Variants in FRRS1 observed in about 807,000 individuals in gnomAD.
FRRS1 encodes ferric chelate reductase 1.
A neutral mutation model predicts 70.7 loss-of-function variants in FRRS1; 51 were observed. That is an observed-to-expected ratio of 0.72 (90% CI 0.58 to 0.91). The LOEUF is 0.91. Among genes scored for constraint, FRRS1 ranks in the 40% least tolerant of loss-of-function variants. The probability of loss-of-function intolerance (pLI) is 0.00; values close to 1 mark genes in which losing one functional copy is unlikely to be tolerated. For synonymous variants in FRRS1, 225 were observed against 238.7 expected (o/e 0.94, Z 0.53); for missense variants, 672 against 726.0 (o/e 0.93, Z 0.86).
chr1:99,760,264 T>C (rs1657052712), intron 1 of FRRS1, among the ~76,000 whole-genome samples: 1 of 152,250 alleles, frequency 6.6e-6, no homozygotes, highest in Non-Finnish European at 1.5e-5. Flanking sequence ...CTATTGGGCT[T>C]AGATAAACTG....
Position 99,710,896 on chromosome 1 carries a change from A to G in FRRS1, c.1534T>C (p.Trp512Arg), listed in dbSNP as rs1199066661. ...AATCCGGTCATTGCATAGGTTTTCCATGAATCAGGAAGATTCAGTCCTGGT... is the reference window on the plus strand; with the variant it reads ...AATCCGGTCATTGCATAGGTTTTCCGTGAATCAGGAAGATTCAGTCCTGGT... Reference protein sequence around the residue: ...DLPGLNLPDSWKTYAMTGFVA... With the variant: ...DLPGLNLPDSRKTYAMTGFVA... The change falls in exon 15 of 17, where the codon TGG becomes CGG. Residue 512 changes from tryptophan (W) to arginine (R), a missense_variant. Transcript: ENST00000646001. 2 of 1,613,846 alleles carry G rather than the reference A, an allele frequency of 1.2e-6. No individual in the cohort carries two copies. The highest frequency in any genetic ancestry group is 3.3e-5 in the Admixed American group (2 of 60,018).
chr1:99,742,367 T>C (rs1336758968), intron 4 of FRRS1, 94 bp from the exon 5 acceptor site: 2 of 753,288 alleles, frequency 2.7e-6, no homozygotes, highest in Non-Finnish European at 4.7e-6. Context: ...TATCATTGCA[T>C]GACATTAGCA....
chr1:99,756,662 T>A (rs1656849956), intron 1 of FRRS1, among the ~76,000 whole-genome samples: 1 of 152,174 alleles, frequency 6.6e-6, no homozygotes, highest in South Asian at 2.1e-4. Flanking sequence ...AAAGACTTTT[T>A]AAAATAAATC....
intron 9 of FRRS1, among the ~76,000 whole-genome samples, chr1:99,720,639 TA>T (rs997871822): frequency 6.6e-6 from 1 of 152,106 alleles, no homozygotes; most frequent in Admixed American, 6.6e-5. Flanking sequence ...ATTGAAAAGC[TA>T]GGGGGAAAAT....
intron 7 of FRRS1, among the ~76,000 whole-genome samples, chr1:99,733,947 A>T (rs1296801462): frequency 6.6e-6 from 1 of 152,250 alleles, no homozygotes; most frequent in African/African-American, 2.4e-5. Context: ...ATCATCAATA[A>T]TAGAACAATT....
At chr1:99,725,448 A>G (rs1375684762) in intron 9 of FRRS1, among the ~76,000 whole-genome samples, 1 of 152,228 alleles carries the variant, frequency 6.6e-6, no homozygotes, top group Admixed American at 6.5e-5. Flanking sequence ...AAGTTATCAA[A>G]CTACAGCACA....
intron 1 of FRRS1, among the ~76,000 whole-genome samples, chr1:99,754,237 G>A (rs565154249): frequency 6.6e-5 from 10 of 152,214 alleles, no homozygotes; most frequent in East Asian, 1.9e-4. Flanking sequence ...AGGCCAAGGC[G>A]GGAAGATCAC....
chr1:99,714,476 C>G (rs1162636926), intron 12 of FRRS1, among the ~76,000 whole-genome samples: 7 of 152,052 alleles, frequency 4.6e-5, no homozygotes, highest in African/African-American at 9.7e-5. Context: ...GCCACCATGC[C>G]CGGCCTGGTT....
rs760123135 is a variant in FRRS1, at chr1:99,709,096, A to G, written c.1711T>C (p.Leu571=). 8.1e-6 allele frequency: 13 copies of G among 1,613,614 alleles called. No homozygotes were observed. In the South Asian group the frequency reaches 1.3e-4, roughly 16 times the overall value. The change falls in exon 17 of 17, where the codon TTG becomes CTG. Residue 571 remains leucine, a synonymous_variant. Coordinates refer to ENST00000646001, the MANE Select transcript of FRRS1 (RefSeq NM_001361041.2). ...ACATTCCCACAGACATAAATTGCCA[A>G]CACTGCCTTTTTAAAAGCATGACCC... ...TEGHAFKKAV[L]AIYVCGNVTF...
chr1:99,716,956 A>T (rs1481624662), intron 11 of FRRS1, among the ~76,000 whole-genome samples: 1 of 152,184 alleles, frequency 6.6e-6, no homozygotes, highest in Non-Finnish European at 1.5e-5. Flanking sequence ...TGATGAGTTA[A>T]TCTAACATTC....
At chr1:99,749,984 G>A (rs1328331112) in intron 1 of FRRS1, among the ~76,000 whole-genome samples, 1 of 152,168 alleles carries the variant, frequency 6.6e-6, no homozygotes, top group East Asian at 1.9e-4. Flanking sequence ...CATATATCTG[G>A]TCATAGACAA....
chr1:99,742,114 AAAGTGCTGGGATT>A, intron 5 of FRRS1, 52 bp downstream of exon 5: 1 of 1,023,320 alleles, frequency 9.8e-7, no homozygotes, highest in Non-Finnish European at 1.5e-6. Flanking sequence ...TTGGCATCCC[AAAGTGCTGGGATT>A]ATAGGCATGA....
At chr1:99,724,298 G>A (rs892272965) in intron 9 of FRRS1, among the ~76,000 whole-genome samples, 2 of 152,120 alleles carry the variant, frequency 1.3e-5, no homozygotes, top group Non-Finnish European at 2.9e-5. Flanking sequence ...TAAATAACAG[G>A]TCATGTGACA....
chr1:99,747,203 CA>C, intron 4 of FRRS1, 90 bp downstream of exon 4: 4 of 1,027,830 alleles, frequency 3.9e-6, no homozygotes, highest in South Asian at 3.3e-5. Context: ...TGGGGGGAGT[CA>C]AAAGTTATAC....
rs143957192 is a variant in FRRS1 at position 99,740,922 on chromosome 1, C to A, written c.447G>T (p.Lys149Asn). Residue 149 changes from lysine (K) to asparagine (N), a missense_variant, in exon 6 of 17, where the codon AAG (lysine) becomes AAT (asparagine). Coordinates refer to ENST00000646001, the MANE Select transcript of FRRS1 (RefSeq NM_001361041.2). ...HTQFLVTVVE[K>N]YKIYWVKIPG... Reference sequence around the variant, plus strand: ...GAATCTTCACCCAGTAGATTTTATACTTCTCAACAACTGTGACTCTGAAAT... The same window carrying A: ...GAATCTTCACCCAGTAGATTTTATAATTCTCAACAACTGTGACTCTGAAAT... 5,661 of 1,611,204 alleles carry A rather than the reference C, an allele frequency of 3.5e-3. 12 individuals are homozygous for A. Among genetic ancestry groups the A allele is most frequent in the Non-Finnish European group, 4.1e-3 (4,834 of 1,177,414 alleles).
In FRRS1 at chr1:99,707,061, GATT is replaced by G. The variant is rs1654055308; in HGVS notation, c.*1964_*1966del. ...TAAAGACCTTCAAAAGGAAAATTTA[GATT>G]ATAAGTAGCATGGCACATATAGAAT... On this transcript the variant is annotated 3_prime_UTR_variant, in exon 17 of 17. Transcript: ENST00000646001. Among the ~76,000 whole-genome samples the G allele has an allele frequency of 1.3e-5, 2 of 151,974 alleles. No individual in the cohort carries two copies. The highest frequency in any genetic ancestry group is 4.8e-5 in the African/African-American group (2 of 41,378).
At chr1:99,756,683 C>T (rs957505961) in intron 1 of FRRS1, among the ~76,000 whole-genome samples, 4 of 152,140 alleles carry the variant, frequency 2.6e-5, no homozygotes, top group South Asian at 2.1e-4. Flanking sequence ...GGTCATTAAA[C>T]GTCTTAGTAT....
intron 4 of FRRS1, among the ~76,000 whole-genome samples, chr1:99,743,448 C>T (rs1656074882): frequency 6.6e-6 from 1 of 151,878 alleles, no homozygotes; most frequent in Middle Eastern, 3.4e-3. Context: ...ACTGCATAGG[C>T]TAGAAATATT....
At chr1:99,747,775 C>G (rs1444166139) in intron 3 of FRRS1, 1 of 166,754 alleles carries the variant, frequency 6.0e-6, no homozygotes, top group East Asian at 1.7e-4. Context: ...AATCTGTACA[C>G]CAAACCCTCG....
Sources: allele counts gnomAD v4.1 joint callset (sites outside exome capture counted in the v4.1 genomes callset), GRCh38; gene constraint gnomAD v4.1.1; transcripts MANE v1.5; gene names NCBI Gene and HGNC (gene_info 2026-07-23, HGNC 2026-07-21).